Variants in INTS9 observed in about 807,000 individuals in gnomAD.
INTS9 encodes protein related to CPSF subunits of 74 kDa.
In INTS9, 55 loss-of-function variants were observed where a neutral mutation model predicts 79.7. The observed-to-expected ratio is 0.69, with a 90% CI of 0.56 to 0.86. The LOEUF is 0.86. INTS9 is among the 40% of genes least tolerant of loss of function. The probability of loss-of-function intolerance (pLI) is 0.00; values close to 1 mark genes in which losing one functional copy is unlikely to be tolerated. For synonymous variants in INTS9, 319 were observed against 325.2 expected (o/e 0.98, Z 0.20); for missense variants, 721 against 831.5 (o/e 0.87, Z 1.64).
intron 1 of INTS9, among the ~76,000 whole-genome samples, chr8:28,886,504 CCCAAAGTGCTGGGATTACAGTCATGAA>C (rs1810184819): frequency 6.6e-6 from 1 of 152,196 alleles, no homozygotes. Context: ...GCCTCCGCCT[CCCAAAGTGCTGGGATTACAGTCATGAA>C]CCACTGCACC....
chr8:28,812,371 C>G lies in INTS9; in HGVS notation c.700G>C (p.Val234Leu). Residue 234 changes from valine (V) to leucine (L), a missense_variant, in exon 8 of 17, where the codon GTG becomes CTG. Val to Leu is a conservative substitution (Grantham distance 32). Around this residue, in one of 3 missense-constraint regions of INTS9, gnomAD observed 291 missense variants for 307.0 expected, o/e 0.95. Transcript: ENST00000521022. Reference sequence around the variant, plus strand: ...AAGGAGGATCCAGAGACATAAGACACTTTCTCGTAATGAGACTGGATGATC... The same window carrying G: ...AAGGAGGATCCAGAGACATAAGACAGTTTCTCGTAATGAGACTGGATGATC... ...NWIIQSHYEK[V>L]SYVSGSSLLT... 2 of 1,614,072 alleles carry G rather than the reference C, an allele frequency of 1.2e-6. No homozygotes were observed. The highest frequency in any genetic ancestry group is 1.7e-6 in the Non-Finnish European group (2 of 1,179,972).
At chr8:28,888,895 T>C (rs1468732377) in intron 1 of INTS9, among the ~76,000 whole-genome samples, 1 of 152,084 alleles carries the variant, frequency 6.6e-6, no homozygotes, top group Admixed American at 6.6e-5. Context: ...ATTATATAAA[T>C]GGTAAAAAAT....
intron 1 of INTS9, among the ~76,000 whole-genome samples, chr8:28,883,652 A>C (rs1315008756): frequency 1.3e-5 from 2 of 152,230 alleles, no homozygotes; most frequent in African/African-American, 4.8e-5. Context: ...GGGTATCTCT[A>C]ATCAGGACAT....
intron 1 of INTS9, among the ~76,000 whole-genome samples, chr8:28,863,998 T>C (rs780459992): frequency 3.9e-5 from 6 of 152,244 alleles, no homozygotes; most frequent in Non-Finnish European, 7.3e-5. Context: ...ATAAAAATTT[T>C]ATCAGTTATA....
intron 6 of INTS9, among the ~76,000 whole-genome samples, chr8:28,832,955 T>G (rs1806585092): frequency 6.6e-6 from 1 of 150,980 alleles, no homozygotes; most frequent in Admixed American, 6.6e-5. Flanking sequence ...AGAGCGAAAC[T>G]CCATCTCAAA....
At chr8:28,829,899 C>T (rs879673807) in intron 6 of INTS9, among the ~76,000 whole-genome samples, 6 of 152,236 alleles carry the variant, frequency 3.9e-5, no homozygotes, top group African/African-American at 7.2e-5. Context: ...GCTGGAGCTA[C>T]GAGTCAGCTG....
intron 6 of INTS9, among the ~76,000 whole-genome samples, chr8:28,826,929 C>T (rs1246765594): frequency 6.6e-6 from 1 of 152,156 alleles, no homozygotes; most frequent in Non-Finnish European, 1.5e-5. Context: ...CCCACAAAGT[C>T]CTTTTGCTGA....
At chr8:28,880,768 G>T (rs1809699695) in intron 1 of INTS9, among the ~76,000 whole-genome samples, 1 of 148,572 alleles carries the variant, frequency 6.7e-6, no homozygotes, top group African/African-American at 2.5e-5. Flanking sequence ...TCTGGAAAGT[G>T]AGGAGCGTCT....
intron 8 of INTS9, among the ~76,000 whole-genome samples, chr8:28,803,739 T>C (rs574076219): frequency 6.6e-6 from 1 of 152,296 alleles, no homozygotes; most frequent in South Asian, 2.1e-4. Context: ...TCAGGATTCA[T>C]ATAGTTTTTA....
At chr8:28,779,353 G>A in intron 12 of INTS9, among the ~76,000 whole-genome samples, 1 of 152,162 alleles carries the variant, frequency 6.6e-6, no homozygotes, top group East Asian at 1.9e-4. Context: ...GCCTGGCCTG[G>A]TATCAGCAAG....
rs767525301 is a variant in INTS9 at position 28,796,334 on chromosome 8, CA to C, written c.856+209del. Among the ~76,000 whole-genome samples the C allele has an allele frequency of 4.3e-4, 66 of 152,152 alleles. 1 individual carries two copies. Among genetic ancestry groups the C allele is most frequent in the Non-Finnish European group, 6.2e-4 (42 of 68,018 alleles). The stretch of plus-strand genomic sequence containing the variant: ...AAAAACAACCACACAAACATTCATA[CA>C]TATCTATCTGTTCACTGTATCGCTG... On this transcript the variant is annotated intron_variant, in intron 9 of 16. Transcript: ENST00000521022.
intron 4 of INTS9, among the ~76,000 whole-genome samples, chr8:28,844,107 G>A (rs71521310): frequency 9.2e-5 from 14 of 152,180 alleles, no homozygotes; most frequent in Non-Finnish European, 1.9e-4. Flanking sequence ...ACAGCAACAG[G>A]AGGTGGCTAT....
intron 1 of INTS9, among the ~76,000 whole-genome samples, chr8:28,870,972 T>C (rs1809058821): frequency 6.6e-6 from 1 of 152,226 alleles, no homozygotes; most frequent in African/African-American, 2.4e-5. Context: ...TTTTGATAAA[T>C]TAAGTTTTTA....
rs374478546 is a variant in INTS9 at position 28,780,953 on chromosome 8, G to A, written c.1140C>T (p.His380=). 4.3e-5 allele frequency: 70 copies of A among 1,613,980 alleles called. No individual in the cohort carries two copies. The highest frequency in any genetic ancestry group is 1.7e-4 in the Middle Eastern group (1 of 6,052). The change falls in exon 12 of 17, where the codon CAC becomes CAT. Residue 380 remains histidine, a synonymous_variant. Coordinates refer to ENST00000521022, the MANE Select transcript of INTS9 (RefSeq NM_018250.4). Reference sequence around the variant, plus strand: ...GTCTAAAGTCGTTGCTGAAGTCTCCGTGGATGCTGGGGTAGTGCTTCAGCT... The same window carrying A: ...GTCTAAAGTCGTTGCTGAAGTCTCCATGGATGCTGGGGTAGTGCTTCAGCT... ...TNKLKHYPSI[H]GDFSNDFRQP...
chr8:28,846,903 A>G (rs1807551109), intron 3 of INTS9, 94 bp from the exon 4 acceptor site: 1 of 931,424 alleles, frequency 1.1e-6, no homozygotes, highest in African/African-American at 1.6e-5. Context: ...TTTCATGAAG[A>G]ATCATAGACT....
intron 1 of INTS9, among the ~76,000 whole-genome samples, chr8:28,882,318 G>C (rs1202121774): frequency 8.7e-6 from 1 of 114,686 alleles, no homozygotes; most frequent in African/African-American, 2.7e-5. Flanking sequence ...CAAACACTGC[G>C]GAAGGCCGAA....
intron 2 of INTS9, among the ~76,000 whole-genome samples, chr8:28,850,524 A>G (rs1807775722): frequency 6.6e-6 from 1 of 152,242 alleles, no homozygotes; most frequent in Admixed American, 6.5e-5. Flanking sequence ...TCCTATGCAA[A>G]ATAATAAAGA....
At chr8:28,815,431 A>G (rs1300344617) in intron 6 of INTS9, among the ~76,000 whole-genome samples, 1 of 152,176 alleles carries the variant, frequency 6.6e-6, no homozygotes, top group Non-Finnish European at 1.5e-5. Flanking sequence ...AATGAAGACT[A>G]AACTACATGT....
chr8:28,794,452 T>C (rs1804086641), intron 9 of INTS9, among the ~76,000 whole-genome samples: 1 of 152,202 alleles, frequency 6.6e-6, no homozygotes, highest in African/African-American at 2.4e-5. Flanking sequence ...AAATCCCCTA[T>C]ACTTTAAGTA....
Sources: gnomAD v4.1 joint callset for allele counts (sites outside exome capture counted in the v4.1 genomes callset) on GRCh38, gnomAD v4.1.1 for gene constraint, gnomAD v4.1.1 regional missense constraint, MANE v1.5 for transcripts, NCBI Gene and HGNC (gene_info 2026-07-23, HGNC 2026-07-21) for gene names.